The following CACNA1H variants were observed in gnomAD, a reference collection of about 807,000 sequenced individuals.
The protein encoded by CACNA1H is calcium voltage-gated channel subunit alpha1 H.
A neutral mutation model predicts 192.5 loss-of-function variants in CACNA1H; 149 were observed. That is an observed-to-expected ratio of 0.77 (90% CI 0.68 to 0.89). The LOEUF (loss-of-function observed/expected upper bound fraction) is 0.89, where lower values mean the gene tolerates loss of function less well. Ranked by LOEUF, CACNA1H falls within the 40% of genes least tolerant of loss-of-function variation. The pLI is 0.00. For missense variants in CACNA1H, 4,257 were observed against 3,423.5 expected (o/e 1.24, Z -6.08); for synonymous variants, 2,202 against 1,475.2 (o/e 1.49, Z -11.29).
In CACNA1H at chr16:1,202,104, C is replaced by G. The variant is rs1050602820; in HGVS notation, c.1654C>G (p.Arg552Gly). 2 of 1,545,292 alleles carry G rather than the reference C, an allele frequency of 1.3e-6. No homozygotes were observed. ...EPGACDTRLVRAGAPPSPPSP... is the reference protein window; with the variant it reads ...EPGACDTRLVGAGAPPSPPSP... The stretch of plus-strand genomic sequence containing the variant: ...AGGCGCCTGCGACACCAGGCTGGTC[C>G]GAGCTGGCGCGCCCCCCTCGCCACC... The change falls in exon 9 of 35, where the codon CGA becomes GGA. Residue 552 changes from arginine to glycine, a missense_variant. Physicochemically the swap from Arg to Gly is moderately radical, Grantham distance 125 (BLOSUM62 -2). Coordinates refer to ENST00000348261, the MANE Select transcript of CACNA1H (RefSeq NM_021098.3).
At chr16:1,181,933 T>C (rs1965513409) in intron 2 of CACNA1H, among the ~76,000 whole-genome samples, 1 of 151,702 alleles carries the variant, frequency 6.6e-6, no homozygotes, top group South Asian at 2.1e-4. Context: ...GCATGTCCCC[T>C]TTGCACACAC....
chr16:1,218,527 G>A lies in CACNA1H; in HGVS notation c.5763G>A (p.Val1921=). Reference sequence around the variant, plus strand: ...ACCTGGTTGCACGCAAGGTGTCCGTGTCCAGGATGCTCTCGCTGCCCAACG... The same window carrying A: ...ACCTGGTTGCACGCAAGGTGTCCGTATCCAGGATGCTCTCGCTGCCCAACG... The part of the protein sequence containing the change: ...APNLVARKVS[V]SRMLSLPNDS... The change falls in exon 33 of 35, where the codon GTG becomes GTA. Residue 1921 remains valine (V), a synonymous_variant. Coordinates refer to ENST00000348261, the MANE Select transcript of CACNA1H (RefSeq NM_021098.3). 13 of 1,555,366 alleles carry A rather than the reference G, an allele frequency of 8.4e-6. No individual in the cohort carries two copies. The highest frequency in any genetic ancestry group is 9.6e-6 in the Non-Finnish European group (11 of 1,149,878).
rs909891273 is a variant in CACNA1H, at chr16:1,211,990, C to T, written c.4611C>T (p.Ser1537=). ...CCTGGATGCTGCTGTACTTCATCTCCTTCCTGCTCATCGTCAGCTTCTTCG... is the reference window on the plus strand; with the variant it reads ...CCTGGATGCTGCTGTACTTCATCTCTTTCCTGCTCATCGTCAGCTTCTTCG... The part of the protein sequence containing the change: ...HNPWMLLYFI[S]FLLIVSFFVL... The change falls in exon 25 of 35, where the codon TCC becomes TCT. Residue 1537 remains serine (S), a synonymous_variant. Transcript: ENST00000348261. 6.2e-7 allele frequency: 1 copy of T among 1,613,472 alleles called. No homozygotes were observed.
chr16:1,203,686 C>T (rs1178619299), intron 9 of CACNA1H, among the ~76,000 whole-genome samples: 1 of 152,210 alleles, frequency 6.6e-6, no homozygotes, highest in Non-Finnish European at 1.5e-5. Context: ...CTCCTAAGTT[C>T]TGGCGGTTTT....
At position 1,195,948 on chromosome 16, in the gene CACNA1H, G is replaced by A. The variant is rs750167731; in HGVS notation, c.568G>A (p.Gly190Arg). 11 of 1,612,922 alleles carry A rather than the reference G, an allele frequency of 6.8e-6. No homozygotes were observed. Among genetic ancestry groups the A allele is most frequent in the African/African-American group, 2.7e-5 (2 of 74,912 alleles). ...VAGMMEYSLD[G>R]HNVSLSAIRT... ...CAGCATGATGGAGTACTCGTTGGAC[G>A]GACACAACGTGAGCCTCTCGGCTAT... The change falls in exon 5 of 35, where the codon GGA becomes AGA. Residue 190 changes from glycine (G) to arginine (R), a missense_variant. By Grantham distance (125) the Gly-to-Arg change is moderately radical. Coordinates refer to ENST00000348261, the MANE Select transcript of CACNA1H (RefSeq NM_021098.3).
In CACNA1H at chr16:1,200,240, C is replaced by G. The variant is rs771429559; in HGVS notation, c.804-16C>G. On this transcript the variant is annotated splice_polypyrimidine_tract_variant and intron_variant, in intron 6 of 34. Transcript: ENST00000348261. ...CCCTGATTGTACCTTTTGGCCCTGG[C>G]TGTGCCCATCCCCAGGAACAACAAC... 3 of 1,582,642 alleles carry G rather than the reference C, an allele frequency of 1.9e-6. No individual in the cohort carries two copies. The highest frequency in any genetic ancestry group is 2.3e-5 in the South Asian group (2 of 87,094).
At position 1,180,927 on chromosome 16, in the gene CACNA1H, C is replaced by A. The variant is rs1183953380; in HGVS notation, c.300-14045C>A. On this transcript the variant is annotated intron_variant, in intron 2 of 34. Transcript: ENST00000348261. This position sits in a 1 kb window ranked among gnomAD's most constrained non-coding sequence, Gnocchi z 4.4. ...GGCAGGGGCTCACCCCGTCTTCCCG[C>A]AGGAAAGCGCCTTGGCGGGACTGCT... 2.0e-5 allele frequency among the ~76,000 whole-genome samples: 3 copies of A among 152,210 alleles called. No homozygotes were observed. The highest frequency in any genetic ancestry group is 7.2e-5 in the African/African-American group (3 of 41,458).
At position 1,209,132 on chromosome 16, in the gene CACNA1H, A is replaced by G. The variant is rs1969115937; in HGVS notation, c.3464A>G (p.Lys1155Arg). 2.6e-6 allele frequency: 4 copies of G among 1,553,366 alleles called. No homozygotes were observed. The highest frequency in any genetic ancestry group is 1.4e-5 in the African/African-American group (1 of 73,166). Residue 1155 changes from lysine to arginine, a missense_variant, in exon 17 of 35, where the codon AAG (lysine) becomes AGG (arginine). Coordinates refer to ENST00000348261, the MANE Select transcript of CACNA1H (RefSeq NM_021098.3). ...AGCCTGGGCCGTGCCCCCAGCCTCA[A>G]GCGCCGCGGCCAGTGTGGGGAACGT... is the stretch of plus-strand genomic sequence containing the variant. Reference protein sequence around the residue: ...WSSLGRAPSLKRRGQCGERES... With the variant: ...WSSLGRAPSLRRRGQCGERES...
rs1436735095 is a variant in CACNA1H at position 1,153,727 on chromosome 16, C to T, written c.-11C>T. 204 of 1,203,660 alleles carry T rather than the reference C, an allele frequency of 1.7e-4. No individual in the cohort carries two copies. Among genetic ancestry groups the T allele is most frequent in the Non-Finnish European group, 1.9e-4 (184 of 970,392 alleles). 74.6% of individuals were successfully genotyped at this position (1,203,660 alleles called of 1,614,324 possible). On this transcript the variant is annotated 5_prime_UTR_variant, in exon 2 of 35. Coordinates refer to ENST00000348261, the MANE Select transcript of CACNA1H (RefSeq NM_021098.3). ...ACCCCCTGTCCTCTGCAGGTGCTGC[C>T]GGCCGCCACCATGACCGAGGGCGCA...
rs1004497884 is a variant in CACNA1H, at chr16:1,167,392, G to A, written c.299+13356G>A. 1.5e-4 allele frequency among the ~76,000 whole-genome samples: 23 copies of A among 152,172 alleles called. No homozygotes were observed. Among genetic ancestry groups the A allele is most frequent in the Non-Finnish European group, 3.1e-4 (21 of 68,032 alleles). ...CGGGCCGCGGGTGGGAGAATCTGGCGTGTGTGTTTGCACGGCATCCATCCC... is the reference window on the plus strand; with the variant it reads ...CGGGCCGCGGGTGGGAGAATCTGGCATGTGTGTTTGCACGGCATCCATCCC... On this transcript the variant is annotated intron_variant, in intron 2 of 34. Coordinates refer to ENST00000348261, the MANE Select transcript of CACNA1H (RefSeq NM_021098.3). The surrounding 1 kb of genome is among the most constrained non-coding windows in gnomAD (Gnocchi z 4.2).
chr16:1,208,169 G>T lies in CACNA1H; in HGVS notation c.3311G>T (p.Arg1104Leu), dbSNP rs775183925. The T allele has an allele frequency of 3.2e-6, 5 of 1,566,090 alleles. No homozygotes were observed. The highest frequency in any genetic ancestry group is 4.3e-6 in the Non-Finnish European group (5 of 1,157,906). ...LDAAPSLPDS[R>L]RGSSSSGDPP... ...GCAGCCCCCAGCCTCCCAGACTCTC[G>T]GCGTGGCAGCAGCAGCTCCGGGGAC... The change falls in exon 16 of 35, where the codon CGG (arginine) becomes CTG (leucine). Residue 1104 changes from arginine (R) to leucine (L), a missense_variant. Physicochemically the swap from Arg to Leu is moderately radical, Grantham distance 102. Coordinates refer to ENST00000348261, the MANE Select transcript of CACNA1H (RefSeq NM_021098.3).
chr16:1,166,652 G>T lies in CACNA1H; in HGVS notation c.299+12616G>T, dbSNP rs911532642. Among the ~76,000 whole-genome samples, 95 of 152,068 alleles carry T rather than the reference G, an allele frequency of 6.2e-4. 2 individuals carry two copies. The highest frequency in any genetic ancestry group is 1.3e-4 in the Non-Finnish European group (9 of 68,014). On this transcript the variant is annotated intron_variant, in intron 2 of 34. Coordinates refer to ENST00000348261, the MANE Select transcript of CACNA1H (RefSeq NM_021098.3). ...CCCGCTGGCCTTTTCCGTCTCCGAGGTTGGCCTGTTCTGGACGTTCCCTGT... is the reference window on the plus strand; with the variant it reads ...CCCGCTGGCCTTTTCCGTCTCCGAGTTTGGCCTGTTCTGGACGTTCCCTGT...
Position 1,180,826 on chromosome 16 carries a change from AC to A in CACNA1H, c.300-14142del, listed in dbSNP as rs1965391408. ...GTGAGGTCAGCCCTGGTCCACAGCC[AC>A]CCCGCCCTGGACTCCCCGGGCCAGC... On this transcript the variant is annotated intron_variant, in intron 2 of 34. Transcript: ENST00000348261. The surrounding 1 kb of genome is among the most constrained non-coding windows in gnomAD (Gnocchi z 4.4). 6.6e-6 allele frequency among the ~76,000 whole-genome samples: 1 copy of A among 151,918 alleles called. No homozygotes were observed. Among genetic ancestry groups the A allele is most frequent in the South Asian group, 2.1e-4 (1 of 4,826 alleles).
intron 2 of CACNA1H, among the ~76,000 whole-genome samples, chr16:1,182,029 C>T (rs1484737755): frequency 6.6e-6 from 1 of 152,204 alleles, no homozygotes; most frequent in Admixed American, 6.5e-5. Context: ...GTGCTTCCGG[C>T]CCTCCCTGTC....
chr16:1,211,462 G>T lies in CACNA1H; in HGVS notation c.4351-19G>T. 6.2e-7 allele frequency: 1 copy of T among 1,612,306 alleles called. No individual in the cohort carries two copies. The highest frequency in any genetic ancestry group is 8.5e-7 in the Non-Finnish European group (1 of 1,179,622). ...GGGCACAGGCCAGGCCCTCCGCGGT[G>T]ACCGTCGCACCCCGTCAGCTCTTCA... On this transcript the variant is annotated intron_variant, in intron 22 of 34. Transcript: ENST00000348261.
At position 1,180,055 on chromosome 16, in the gene CACNA1H, C is replaced by T. The variant is rs1372731306; in HGVS notation, c.300-14917C>T. Among the ~76,000 whole-genome samples the T allele has an allele frequency of 2.0e-5, 3 of 152,186 alleles. No individual in the cohort carries two copies. Among genetic ancestry groups the T allele is most frequent in the Non-Finnish European group, 2.9e-5 (2 of 68,018 alleles). ...CGGCCCGGCCTTGTTTTTTAATATA[C>T]ATCTGGTTGCCGGGTGATACTGAGG... On this transcript the variant is annotated intron_variant, in intron 2 of 34. Coordinates refer to ENST00000348261, the MANE Select transcript of CACNA1H (RefSeq NM_021098.3). This position sits in a 1 kb window ranked among gnomAD's most constrained non-coding sequence, Gnocchi z 4.4.
At chr16:1,218,790 A>T in intron 33 of CACNA1H, 139 bp downstream of exon 33, 1 of 1,133,070 alleles carries the variant, frequency 8.8e-7, no homozygotes, top group Non-Finnish European at 1.3e-6. Flanking sequence ...GGGGGCAGGC[A>T]GGAGGGAGGA....
At chr16:1,193,441 C>G (rs929314559) in intron 2 of CACNA1H, among the ~76,000 whole-genome samples, 1 of 152,256 alleles carries the variant, frequency 6.6e-6, no homozygotes, top group Non-Finnish European at 1.5e-5. Context: ...AACCCCACCC[C>G]CACCTCGTCC....
chr16:1,154,116 A>G lies in CACNA1H; in HGVS notation c.299+80A>G, dbSNP rs112034409. 0.13 allele frequency: 121,979 copies of G among 918,180 alleles called. 15,423 individuals carry two copies. The highest frequency in any genetic ancestry group is 0.14 in the Non-Finnish European group (99,249 of 704,770). The allele number at this position is 918,180 out of a possible 1,614,324, so 56.9% of individuals were successfully genotyped here. ...GCCCGGGGCGCGGGACTCCCTCGGC[A>G]TGCGCCCCCGCGCGCCCCTGTTGGT... On this transcript the variant is annotated intron_variant, in intron 2 of 34. Transcript: ENST00000348261.
Sources: gnomAD v4.1 joint callset for allele counts (sites outside exome capture counted in the v4.1 genomes callset) on GRCh38, gnomAD v4.1.1 for gene constraint, Gnocchi (gnomAD v3.1) non-coding constraint, MANE v1.5 for transcripts, NCBI Gene and HGNC (gene_info 2026-07-23, HGNC 2026-07-21) for gene names.